CBFA2T2: variants seen among roughly 807,000 people sequenced by gnomAD.
The protein encoded by CBFA2T2 is protein CBFA2T2.
In CBFA2T2, 11 loss-of-function variants were observed where a neutral mutation model predicts 62.2. The observed-to-expected ratio is 0.18, with a 90% CI of 0.11 to 0.29. The LOEUF is 0.29. Ranked by LOEUF, CBFA2T2 falls within the 10% of genes least tolerant of loss-of-function variation. CBFA2T2 has a pLI of 1.00. For synonymous variants in CBFA2T2, 295 were observed against 287.5 expected (o/e 1.03, Z -0.27); for missense variants, 592 against 774.1 (o/e 0.76, Z 2.79).
chr20:33,504,208 G>T (rs948080128), intron 1 of CBFA2T2, among the ~76,000 whole-genome samples: 1 of 151,892 alleles, frequency 6.6e-6, no homozygotes, highest in African/African-American at 2.4e-5. Flanking sequence ...GTATCTATAG[G>T]TTGTTCCTTT....
At chr20:33,623,556 CTAA>C (rs1246798627) in intron 5 of CBFA2T2, among the ~76,000 whole-genome samples, 1 of 142,916 alleles carries the variant, frequency 7.0e-6, no homozygotes, top group Admixed American at 7.0e-5. Flanking sequence ...CCATGACCAG[CTAA>C]TGTTTGTTTG....
intron 1 of CBFA2T2, among the ~76,000 whole-genome samples, chr20:33,553,434 A>G (rs543829734): frequency 6.6e-6 from 1 of 152,206 alleles, no homozygotes; most frequent in African/African-American, 2.4e-5. Context: ...GTTTCACCAT[A>G]TTGGTCAGGC....
chr20:33,509,005 T>C (rs1462697089), intron 1 of CBFA2T2, among the ~76,000 whole-genome samples: 1 of 152,232 alleles, frequency 6.6e-6, no homozygotes, highest in African/African-American at 2.4e-5. Context: ...GTCGTTTACA[T>C]GTGAACCCTC....
At chr20:33,585,700 A>G (rs2014332813) in intron 1 of CBFA2T2, among the ~76,000 whole-genome samples, 2 of 152,176 alleles carry the variant, frequency 1.3e-5, no homozygotes, top group African/African-American at 2.4e-5. Context: ...AAATACATTT[A>G]TTTCTGTGCT....
chr20:33,623,618 T>C (rs2016087471), intron 5 of CBFA2T2, among the ~76,000 whole-genome samples: 1 of 152,008 alleles, frequency 6.6e-6, no homozygotes, highest in Admixed American at 6.6e-5. Context: ...GATGAGGTTT[T>C]ACCATGTTGC....
intron 1 of CBFA2T2, among the ~76,000 whole-genome samples, chr20:33,545,010 T>TAGAATAGAATAGAATAGAATAGAAC (rs1428313497): frequency 7.2e-4 from 82 of 113,992 alleles, no homozygotes; most frequent in African/African-American, 2.6e-3. Flanking sequence ...TAGAATAGAA[T>TAGAATAGAATAGAATAGAATAGAAC]AGAACAGAAC....
intron 1 of CBFA2T2, among the ~76,000 whole-genome samples, chr20:33,519,174 A>T (rs918621788): frequency 1.2e-4 from 19 of 152,188 alleles, no homozygotes; most frequent in Admixed American, 1.1e-3. Flanking sequence ...CAGGAAAAAA[A>T]ATATACAGAT....
At chr20:33,613,346 C>G (rs1449932332) in intron 3 of CBFA2T2, among the ~76,000 whole-genome samples, 3 of 152,180 alleles carry the variant, frequency 2.0e-5, no homozygotes, top group African/African-American at 7.2e-5. Flanking sequence ...GAAGGAGTCA[C>G]AGGACTTGAC....
At chr20:33,596,133 C>T (rs1216881013) in intron 1 of CBFA2T2, among the ~76,000 whole-genome samples, 2 of 152,176 alleles carry the variant, frequency 1.3e-5, no homozygotes, top group Non-Finnish European at 2.9e-5. Flanking sequence ...TTTATATTTA[C>T]TGTATATTCT....
chr20:33,497,963 G>T (rs953726485), intron 1 of CBFA2T2, among the ~76,000 whole-genome samples: 1 of 152,126 alleles, frequency 6.6e-6, no homozygotes, highest in Admixed American at 6.6e-5. Flanking sequence ...GATTGCAGAT[G>T]TGAGCCATTG....
At chr20:33,499,281 A>G (rs2011241302) in intron 1 of CBFA2T2, among the ~76,000 whole-genome samples, 1 of 152,176 alleles carries the variant, frequency 6.6e-6, no homozygotes, top group Non-Finnish European at 1.5e-5. Flanking sequence ...TTTTGTTCTC[A>G]TTCCTTAGAG....
At chr20:33,595,823 A>C (rs1299339300) in intron 1 of CBFA2T2, among the ~76,000 whole-genome samples, 3 of 152,210 alleles carry the variant, frequency 2.0e-5, no homozygotes, top group Non-Finnish European at 4.4e-5. Flanking sequence ...TACAGACGTG[A>C]ACCACCATGC....
In CBFA2T2 at chr20:33,611,198, A is replaced by G. The variant is rs1402595446; in HGVS notation, c.283A>G (p.Asn95Asp). The change falls in exon 3 of 11, where the codon AAT becomes GAT. Residue 95 changes from asparagine to aspartate, a missense_variant. Physicochemically the swap from Asn to Asp is conservative, Grantham distance 23 (BLOSUM62 1). This residue lies in a region of CBFA2T2 where 449 missense variants were observed against 551.2 expected (regional missense o/e 0.81). Transcript: ENST00000342704. ...CTCCTCCACATCATCTGCACTCACA[A>G]ATCAGCAATTGCCAGCCACTTGTGG... The part of the protein sequence containing the change: ...PASSTSSALT[N>D]QQLPATCGAR... 7.4e-6 allele frequency: 12 copies of G among 1,614,022 alleles called. No individual in the cohort carries two copies. The highest frequency in any genetic ancestry group is 1.0e-5 in the Non-Finnish European group (12 of 1,180,030).
chr20:33,519,251 C>T (rs1444144718), intron 1 of CBFA2T2, among the ~76,000 whole-genome samples: 1 of 152,120 alleles, frequency 6.6e-6, no homozygotes, highest in Non-Finnish European at 1.5e-5. Context: ...GGGCAGATCA[C>T]CTGAGATCAG....
At chr20:33,590,406 C>T (rs1004932883) in intron 1 of CBFA2T2, among the ~76,000 whole-genome samples, 5 of 152,086 alleles carry the variant, frequency 3.3e-5, no homozygotes, top group African/African-American at 1.2e-4. Flanking sequence ...AACCAGATTG[C>T]GTTAAACACA....
chr20:33,562,345 GGA>G, intron 1 of CBFA2T2: 4 of 982,292 alleles, frequency 4.1e-6, no homozygotes, highest in Non-Finnish European at 4.8e-6. Flanking sequence ...GAAGGGTAGT[GGA>G]GAGAGAGGAA....
chr20:33,518,753 CAA>C (rs1174982852), intron 1 of CBFA2T2, among the ~76,000 whole-genome samples: 2 of 147,294 alleles, frequency 1.4e-5, no homozygotes, highest in Non-Finnish European at 3.0e-5. Flanking sequence ...GCCTGTGCAA[CAA>C]GAGCGAAACT....
At chr20:33,551,277 C>T (rs1429886652) in intron 1 of CBFA2T2, among the ~76,000 whole-genome samples, 2 of 149,466 alleles carry the variant, frequency 1.3e-5, no homozygotes, top group Non-Finnish European at 3.0e-5. Flanking sequence ...AGTGCAATGG[C>T]GTAATCTCGG....
At chr20:33,519,984 C>T (rs541808872) in intron 1 of CBFA2T2, among the ~76,000 whole-genome samples, 2 of 152,034 alleles carry the variant, frequency 1.3e-5, no homozygotes, top group East Asian at 3.9e-4. Context: ...CTCATCTCTA[C>T]TAAAAATAAA....
Sources: allele counts gnomAD v4.1 joint callset (sites outside exome capture counted in the v4.1 genomes callset), GRCh38; gene constraint gnomAD v4.1.1; regional missense constraint gnomAD v4.1.1; transcripts MANE v1.5; gene names NCBI Gene and HGNC (gene_info 2026-07-23, HGNC 2026-07-21).